The following RPTOR variants were observed in gnomAD, a reference collection of about 807,000 sequenced individuals.
The protein encoded by RPTOR is regulatory-associated protein of mTOR.
Under a neutral mutation model 169.9 loss-of-function variants are expected in RPTOR, and 21 were observed. That is an observed-to-expected ratio of 0.12 (90% CI 0.09 to 0.18). The LOEUF is 0.18. RPTOR is among the 10% of genes least tolerant of loss of function. RPTOR has a pLI of 1.00. For synonymous variants in RPTOR, 732 were observed against 753.2 expected (o/e 0.97, Z 0.46); for missense variants, 1,133 against 1,855.9 (o/e 0.61, Z 7.16).
In RPTOR at chr17:80,648,961, G is replaced by A. The variant is rs578116670; in HGVS notation, c.348+5151G>A. On this transcript the variant is annotated intron_variant, in intron 3 of 33. Coordinates refer to ENST00000306801, the MANE Select transcript of RPTOR (RefSeq NM_020761.3). The stretch of plus-strand genomic sequence containing the variant: ...TGTGACTTGCGCCTCCTTACCTTCC[G>A]CCATGATTGTGAGACCTTCACAGCC... Among the ~76,000 whole-genome samples, 41 of 152,252 alleles carry A rather than the reference G, an allele frequency of 2.7e-4. No homozygotes were observed. In the South Asian group the frequency reaches 7.1e-3, roughly 26 times the overall value.
intron 3 of RPTOR, among the ~76,000 whole-genome samples, chr17:80,675,402 G>T (rs568291620): frequency 2.0e-5 from 3 of 152,176 alleles, no homozygotes; most frequent in Non-Finnish European, 4.4e-5. Context: ...TATCACACCC[G>T]GGTCAAGGCC....
chr17:80,840,369 C>G (rs2067616398), intron 10 of RPTOR, among the ~76,000 whole-genome samples: 1 of 146,468 alleles, frequency 6.8e-6, no homozygotes, highest in Non-Finnish European at 1.5e-5. Flanking sequence ...AGCTCACTCT[C>G]ACCACACGGC....
In RPTOR at chr17:80,576,586, G is replaced by A. The variant is rs569430009; in HGVS notation, c.162+30795G>A. 1.9e-3 allele frequency among the ~76,000 whole-genome samples: 290 copies of A among 152,278 alleles called. 2 individuals carry two copies. The highest frequency in any genetic ancestry group is 6.4e-3 in the African/African-American group (267 of 41,568). On this transcript the variant is annotated intron_variant, in intron 1 of 33. Coordinates refer to ENST00000306801, the MANE Select transcript of RPTOR (RefSeq NM_020761.3). ...ACTCTTCGCTCTCCTTTCCTTTAGC[G>A]TCTCAGAACTTTCCTATGGGGCCAC...
chr17:80,717,042 G>A (rs747405195), intron 4 of RPTOR, among the ~76,000 whole-genome samples: 3 of 151,998 alleles, frequency 2.0e-5, no homozygotes, highest in African/African-American at 4.8e-5. Flanking sequence ...GTCTTGCTTC[G>A]GCTATGCAGG....
At chr17:80,937,176 G>A (rs1240417885) in intron 24 of RPTOR, among the ~76,000 whole-genome samples, 1 of 152,164 alleles carries the variant, frequency 6.6e-6, no homozygotes, top group East Asian at 1.9e-4. Flanking sequence ...GGAGGGAGCT[G>A]GCAGTGTGAG....
At chr17:80,686,026 C>T (rs189648715) in intron 3 of RPTOR, among the ~76,000 whole-genome samples, 17 of 152,026 alleles carry the variant, frequency 1.1e-4, no homozygotes, top group Admixed American at 9.8e-4. Context: ...TTCAGGCCTC[C>T]GACCCATCTG....
chr17:80,791,636 C>A (rs904343366), intron 7 of RPTOR, 127 bp downstream of exon 7: 12 of 775,434 alleles, frequency 1.5e-5, no homozygotes, highest in African/African-American at 1.4e-4. Context: ...TGGCTGTGTT[C>A]TTTTGTTCTC....
chr17:80,952,229 G>A (rs558243120), intron 28 of RPTOR, among the ~76,000 whole-genome samples: 9 of 152,364 alleles, frequency 5.9e-5, no homozygotes, highest in African/African-American at 2.2e-4. Context: ...TAGATTAATG[G>A]TATTAGCAGG....
rs147134222 is a variant in RPTOR, at chr17:80,754,934, G to C, written c.830+749G>C. ...TGCAGCAGACACCGTGCTGTCGGCC[G>C]AGGACACTCTTGAGGCTTCTGTCAA... On this transcript the variant is annotated intron_variant, in intron 6 of 33. Transcript: ENST00000306801. The surrounding 1 kb of genome is among the most constrained non-coding windows in gnomAD (Gnocchi z 4.2). Among the ~76,000 whole-genome samples, 1 of 152,206 alleles carries C rather than the reference G, an allele frequency of 6.6e-6. No homozygotes were observed. Among genetic ancestry groups the C allele is most frequent in the East Asian group, 1.9e-4 (1 of 5,200 alleles).
At chr17:80,546,926 G>A (rs4570915) in intron 1 of RPTOR, among the ~76,000 whole-genome samples, 35,364 of 151,926 alleles carry the variant, frequency 0.23, 5,047 homozygotes, top group East Asian at 0.42. Context: ...AAAATTAGCT[G>A]GGCTTGGTGG....
intron 7 of RPTOR, among the ~76,000 whole-genome samples, chr17:80,814,690 C>T (rs924368139): frequency 6.6e-6 from 1 of 152,196 alleles, no homozygotes; most frequent in Non-Finnish European, 1.5e-5. Context: ...AATATGTACA[C>T]GGCATCTGTT....
intron 7 of RPTOR, among the ~76,000 whole-genome samples, chr17:80,821,924 G>A (rs1174375870): frequency 6.6e-6 from 1 of 152,202 alleles, no homozygotes; most frequent in African/African-American, 2.4e-5. Context: ...CCATGTGTGT[G>A]ACCAGCTGGG....
intron 20 of RPTOR, among the ~76,000 whole-genome samples, chr17:80,907,169 T>C (rs1567980483): frequency 6.6e-6 from 1 of 152,250 alleles, no homozygotes; most frequent in Non-Finnish European, 1.5e-5. Context: ...TTTCGATGCT[T>C]CAGCTCTTTC....
intron 7 of RPTOR, among the ~76,000 whole-genome samples, chr17:80,807,921 A>G (rs1295337833): frequency 6.6e-6 from 1 of 152,194 alleles, no homozygotes; most frequent in African/African-American, 2.4e-5. Flanking sequence ...GGCCTTAAGA[A>G]AACATGCTCC....
At chr17:80,948,999 C>T (rs1054256962) in intron 27 of RPTOR, among the ~76,000 whole-genome samples, 4 of 152,174 alleles carry the variant, frequency 2.6e-5, no homozygotes, top group Non-Finnish European at 5.9e-5. Context: ...TGCTGGTGTC[C>T]TCTGTGAAGC....
chr17:80,815,483 G>A (rs970220694), intron 7 of RPTOR, among the ~76,000 whole-genome samples: 1 of 152,258 alleles, frequency 6.6e-6, no homozygotes, highest in Non-Finnish European at 1.5e-5. Flanking sequence ...CAAGGGCCCA[G>A]CCCCGTGTCC....
At chr17:80,920,362 G>T (rs1381374477) in intron 21 of RPTOR, among the ~76,000 whole-genome samples, 1 of 152,200 alleles carries the variant, frequency 6.6e-6, no homozygotes, top group Non-Finnish European at 1.5e-5. Context: ...CACTAATGGG[G>T]GTGGGGGGGG....
At chr17:80,666,814 G>A (rs899807205) in intron 3 of RPTOR, among the ~76,000 whole-genome samples, 4 of 150,616 alleles carry the variant, frequency 2.7e-5, no homozygotes, top group African/African-American at 7.4e-5. Context: ...CTGAGGCAGC[G>A]CCTTGAAAGG....
At chr17:80,604,407 T>C (rs1695735821) in intron 1 of RPTOR, among the ~76,000 whole-genome samples, 1 of 152,218 alleles carries the variant, frequency 6.6e-6, no homozygotes, top group Admixed American at 6.5e-5. Context: ...ACAAAAGTGG[T>C]TAAAGTAACT....
Sources: allele counts gnomAD v4.1 joint callset (sites outside exome capture counted in the v4.1 genomes callset), GRCh38; gene constraint gnomAD v4.1.1; non-coding constraint Gnocchi (gnomAD v3.1); transcripts MANE v1.5; gene names NCBI Gene and HGNC (gene_info 2026-07-23, HGNC 2026-07-21).